Variants in PLPP7 observed in about 807,000 individuals in gnomAD.
PLPP7 encodes inactive phospholipid phosphatase 7.
A neutral mutation model predicts 16.9 loss-of-function variants in PLPP7; 11 were observed. That is an observed-to-expected ratio of 0.65 (90% CI 0.41 to 1.08). The LOEUF is 1.08. Among genes scored for constraint, PLPP7 ranks in the 50% least tolerant of loss-of-function variants. The pLI, the probability that PLPP7 is intolerant of heterozygous loss-of-function variation, is 0.00. For missense variants in PLPP7, 358 were observed against 397.1 expected, an observed-to-expected ratio of 0.90 and a Z score of 0.84; for synonymous variants, 174 against 175.1, an observed-to-expected ratio of 0.99 and a Z score of 0.05.
rs535625166 is a variant in PLPP7, at chr9:131,302,754, T to C, written c.452-5169T>C. Among the ~76,000 whole-genome samples the C allele has an allele frequency of 5.3e-5, 8 of 152,256 alleles. No homozygotes were observed. In the South Asian group the frequency reaches 6.2e-4, roughly 12 times the overall value. On this transcript the variant is annotated intron_variant, in intron 1 of 1. Transcript: ENST00000372264. The stretch of plus-strand genomic sequence containing the variant: ...CAAGGCTCTCAGCCAGCCCTGTGGC[T>C]AATGAGAGGGGCCAGGAGATGCCAC...
chr9:131,301,155 G>A (rs1835794690), intron 1 of PLPP7, among the ~76,000 whole-genome samples: 1 of 152,042 alleles, frequency 6.6e-6, no homozygotes, highest in African/African-American at 2.4e-5. Context: ...TTTCAGTAGA[G>A]ATGGGTTTTC....
intron 1 of PLPP7, among the ~76,000 whole-genome samples, chr9:131,304,491 C>T (rs1162365697): frequency 1.3e-5 from 2 of 152,282 alleles, no homozygotes; most frequent in East Asian, 1.9e-4. Context: ...AGAAATTAGC[C>T]AGCCGTGGTG....
At chr9:131,293,346 C>T (rs1297655172) in intron 1 of PLPP7, among the ~76,000 whole-genome samples, 1 of 152,170 alleles carries the variant, frequency 6.6e-6, no homozygotes, top group Non-Finnish European at 1.5e-5. Context: ...GTGTTGAGGC[C>T]ATGGGGACAT....
Position 131,309,209 on chromosome 9 carries a change from C to G in PLPP7, c.*922C>G, listed in dbSNP as rs1835891709. On this transcript the variant is annotated 3_prime_UTR_variant, in exon 2 of 2. Coordinates refer to ENST00000372264, the MANE Select transcript of PLPP7 (RefSeq NM_032728.4). Reference sequence around the variant, plus strand: ...GTGACCTAATAGGTCGTTTCCAAGTCACCCGTTTTGGATGTGCATTTCATG... The same window carrying G: ...GTGACCTAATAGGTCGTTTCCAAGTGACCCGTTTTGGATGTGCATTTCATG... 6.5e-6 allele frequency: 1 copy of G among 152,688 alleles called. No individual in the cohort carries two copies. The highest frequency in any genetic ancestry group is 1.5e-5 in the Non-Finnish European group (1 of 68,038). 9.5% of individuals were successfully genotyped at this position (152,688 alleles called of 1,614,324 possible).
intron 1 of PLPP7, chr9:131,292,777 T>G: frequency 5.1e-6 from 5 of 985,328 alleles, no homozygotes; most frequent in Non-Finnish European, 6.0e-6. Context: ...TGCTTTGTTT[T>G]TTTTTTACAG....
intron 1 of PLPP7, 61 bp from the exon 2 acceptor site, chr9:131,307,861 GC>G: frequency 6.8e-7 from 1 of 1,475,538 alleles, no homozygotes; most frequent in South Asian, 1.4e-5. Flanking sequence ...AATGTGGGGG[GC>G]CAGGGCCTGG....
chr9:131,307,983 C>T lies in PLPP7; in HGVS notation c.512C>T (p.Pro171Leu), dbSNP rs764692797. 14 of 1,600,058 alleles carry T rather than the reference C, an allele frequency of 8.7e-6. No individual in the cohort carries two copies. The highest frequency in any genetic ancestry group is 1.7e-5 in the Admixed American group (1 of 59,988). ...CAGAAGCTCATCAAGCGGCGCGGCC[C>T]GTACGAGACGAGCCCCAGCCTCCTG... ...GVQKLIKRRGPYETSPSLLDY... is the reference protein window; with the variant it reads ...GVQKLIKRRGLYETSPSLLDY... Residue 171 changes from proline to leucine, a missense_variant, in exon 2 of 2, where the codon CCG (proline) becomes CTG (leucine). By Grantham distance (98) the Pro-to-Leu change is moderately conservative (BLOSUM62 -3). Transcript: ENST00000372264.
chr9:131,296,016 A>G (rs1033213013), intron 1 of PLPP7, among the ~76,000 whole-genome samples: 4 of 151,970 alleles, frequency 2.6e-5, no homozygotes, highest in Admixed American at 2.6e-4. Context: ...TTGGTTGTAT[A>G]CTCGGAATCG....
Position 131,290,880 on chromosome 9 carries a change from C to A in PLPP7, c.451+432C>A, listed in dbSNP as rs943705815. Among the ~76,000 whole-genome samples the A allele has an allele frequency of 6.6e-6, 1 of 152,090 alleles. No homozygotes were observed. Among genetic ancestry groups the A allele is most frequent in the Non-Finnish European group, 1.5e-5 (1 of 68,004 alleles). On this transcript the variant is annotated intron_variant, in intron 1 of 1. Coordinates refer to ENST00000372264, the MANE Select transcript of PLPP7 (RefSeq NM_032728.4). The surrounding 1 kb of genome is among the most constrained non-coding windows in gnomAD (Gnocchi z 4.2). ...CTTGACAGCTCCCAGCCAGGCTGTT[C>A]CCGTGAGCTGCCCCATGAGCACCTC... is the stretch of plus-strand genomic sequence containing the variant.
At chr9:131,292,579 C>T (rs941298991) in intron 1 of PLPP7, among the ~76,000 whole-genome samples, 7 of 152,222 alleles carry the variant, frequency 4.6e-5, no homozygotes, top group African/African-American at 7.2e-5. Flanking sequence ...CTTTGCTTTG[C>T]GTTTTCAGAG....
At chr9:131,305,017 A>C (rs1343256306) in intron 1 of PLPP7, among the ~76,000 whole-genome samples, 3 of 152,214 alleles carry the variant, frequency 2.0e-5, no homozygotes, top group Admixed American at 2.0e-4. Context: ...CCAGGGGTTC[A>C]TCTTGTCCTC....
At chr9:131,303,401 T>C (rs1407051530) in intron 1 of PLPP7, among the ~76,000 whole-genome samples, 1 of 149,866 alleles carries the variant, frequency 6.7e-6, no homozygotes, top group Non-Finnish European at 1.5e-5. Flanking sequence ...AATGACTACC[T>C]CTGAGGGGCA....
In PLPP7 at chr9:131,290,476, C is replaced by T. The variant is rs748548396; in HGVS notation, c.451+28C>T. The T allele has an allele frequency of 9.4e-6, 14 of 1,488,566 alleles. No individual in the cohort carries two copies. Among genetic ancestry groups the T allele is most frequent in the Non-Finnish European group, 6.2e-6 (7 of 1,121,984 alleles). The allele number at this position is 1,488,566 out of a possible 1,614,324, so 92.2% of individuals were successfully genotyped here. ...GAGTGTGCCTGCCGCCCGCCACTCACTGTCAGGCCCCTCGGGAGGCAGCCT... is the reference window on the plus strand; with the variant it reads ...GAGTGTGCCTGCCGCCCGCCACTCATTGTCAGGCCCCTCGGGAGGCAGCCT... On this transcript the variant is annotated intron_variant, in intron 1 of 1. Transcript: ENST00000372264. This position sits in a 1 kb window ranked among gnomAD's most constrained non-coding sequence, Gnocchi z 4.2.
In PLPP7 at chr9:131,290,254, T is replaced by C; in HGVS notation, c.257T>C (p.Leu86Pro). ...SFKGIAFNSL[L>P]AIDICMSKRL... ...AAGGGCATCGCCTTCAACTCCCTGC[T>C]GGCCATCGATATCTGTATGTCCAAG... The change falls in exon 1 of 2, where the codon CTG becomes CCG. Residue 86 changes from leucine (L) to proline (P), a missense_variant. Physicochemically the swap from Leu to Pro is moderately conservative, Grantham distance 98. Transcript: ENST00000372264. The surrounding 1 kb of genome is among the most constrained non-coding windows in gnomAD (Gnocchi z 4.2). 1.2e-6 allele frequency: 2 copies of C among 1,611,822 alleles called. No individual in the cohort carries two copies. Among genetic ancestry groups the C allele is most frequent in the Non-Finnish European group, 1.7e-6 (2 of 1,178,856 alleles).
intron 1 of PLPP7, among the ~76,000 whole-genome samples, chr9:131,301,672 G>A (rs558825552): frequency 4.6e-5 from 7 of 152,316 alleles, no homozygotes; most frequent in African/African-American, 1.7e-4. Flanking sequence ...GCCAGGCGGG[G>A]CTAGGACTCA....
rs1225442530 is a variant in PLPP7, at chr9:131,290,294, C to T, written c.297C>T (p.Cys99=). The change falls in exon 1 of 2, where the codon TGC becomes TGT. Residue 99 remains cysteine, a synonymous_variant. Coordinates refer to ENST00000372264, the MANE Select transcript of PLPP7 (RefSeq NM_032728.4). The surrounding 1 kb of genome is among the most constrained non-coding windows in gnomAD (Gnocchi z 4.2). The part of the protein sequence containing the change: ...DICMSKRLGV[C]AGRAASWASA... ...GTATGTCCAAGCGGCTGGGGGTGTGCGCTGGCCGGGCGGCGTCCTGGGCCA... is the reference window on the plus strand; with the variant it reads ...GTATGTCCAAGCGGCTGGGGGTGTGTGCTGGCCGGGCGGCGTCCTGGGCCA... 4.3e-6 allele frequency: 7 copies of T among 1,611,986 alleles called. No individual in the cohort carries two copies. Among genetic ancestry groups the T allele is most frequent in the Middle Eastern group, 1.7e-4 (1 of 6,060 alleles).
chr9:131,306,106 A>G lies in PLPP7; in HGVS notation c.452-1817A>G, dbSNP rs549145708. On this transcript the variant is annotated intron_variant, in intron 1 of 1. Transcript: ENST00000372264. The stretch of plus-strand genomic sequence containing the variant: ...CAAAAAATTAGCCAGGCGTAGTGGC[A>G]GGCGCCTGTAGTCCCAGCTACTCAG... 1.9e-4 allele frequency among the ~76,000 whole-genome samples: 29 copies of G among 152,162 alleles called. No individual in the cohort carries two copies. The East Asian group carries it at 4.8e-3, about 25-fold the overall frequency.
intron 1 of PLPP7, among the ~76,000 whole-genome samples, chr9:131,294,104 C>T (rs561883835): frequency 4.3e-4 from 65 of 152,270 alleles, no homozygotes; most frequent in African/African-American, 1.3e-3. Context: ...CCATGCCCTC[C>T]CTGCTTGCCC....
At position 131,308,445 on chromosome 9, in the gene PLPP7, C is replaced by T. The variant is rs1835881557; in HGVS notation, c.*158C>T. 1 of 1,199,886 alleles carries T rather than the reference C, an allele frequency of 8.3e-7. No homozygotes were observed. The highest frequency in any genetic ancestry group is 1.5e-5 in the African/African-American group (1 of 65,066). 74.3% of individuals were successfully genotyped at this position (1,199,886 alleles called of 1,614,324 possible). On this transcript the variant is annotated 3_prime_UTR_variant, in exon 2 of 2. Transcript: ENST00000372264. ...CCTCCTGGCTGGAGGCTGGCGAACCCAGGCCACCCCTCCCGGAGACAAGCG... is the reference window on the plus strand; with the variant it reads ...CCTCCTGGCTGGAGGCTGGCGAACCTAGGCCACCCCTCCCGGAGACAAGCG...
Sources: gnomAD v4.1 joint callset for allele counts (sites outside exome capture counted in the v4.1 genomes callset) on GRCh38, gnomAD v4.1.1 for gene constraint, Gnocchi (gnomAD v3.1) non-coding constraint, MANE v1.5 for transcripts, NCBI Gene and HGNC (gene_info 2026-07-23, HGNC 2026-07-21) for gene names.